Variants in LAMB3 observed in about 807,000 individuals in gnomAD.
LAMB3 encodes the protein laminin subunit beta 3.
Under a neutral mutation model 140.3 loss-of-function variants are expected in LAMB3, and 104 were observed. The observed-to-expected ratio is 0.74, with a 90% confidence interval of 0.63 to 0.87. The LOEUF (loss-of-function observed/expected upper bound fraction) is 0.87. Ranked by LOEUF, LAMB3 falls within the 40% of genes least tolerant of loss-of-function variation. LAMB3 has a pLI of 0.00. For missense variants in LAMB3, 1,531 were observed against 1,575.2 expected (o/e 0.97, Z 0.47); for synonymous variants, 592 against 602.9 (o/e 0.98, Z 0.26).
chr1:209,651,240 A>C, intron 1 of LAMB3: 15 of 460,128 alleles, frequency 3.3e-5, no homozygotes, highest in East Asian at 1.3e-4. Flanking sequence ...CTCCTCTAAA[A>C]TGGATGGGAA....
chr1:209,622,660 A>C lies in LAMB3; in HGVS notation c.2577T>G (p.Ser859=). The change falls in exon 18 of 23, where the codon TCT becomes TCG. Residue 859 remains serine, a synonymous_variant. Transcript: ENST00000356082. The part of the protein sequence containing the change: ...TRQMIRAAEE[S]ASQIQSSAQR... ...GGGCACTGGATTGAATCTGTGAGGC[A>C]GATTCCTCGGCTGCCCTAATCTGTT... is the stretch of plus-strand genomic sequence containing the variant. 6.2e-7 allele frequency: 1 copy of C among 1,614,164 alleles called. No homozygotes were observed. Among genetic ancestry groups the C allele is most frequent in the Non-Finnish European group, 8.5e-7 (1 of 1,180,024 alleles).
chr1:209,634,648 C>G lies in LAMB3; in HGVS notation c.373-10G>C, dbSNP rs2102438880. On this transcript the variant is annotated splice_polypyrimidine_tract_variant and intron_variant, in intron 5 of 22. Transcript: ENST00000356082. ...CGGCGGGCATGGGCCCCTGTGGAGA[C>G]AGGGGCAGTGTGCAGAGGGGAGGCA... 6.2e-7 allele frequency: 1 copy of G among 1,610,504 alleles called. No homozygotes were observed. The highest frequency in any genetic ancestry group is 1.7e-4 in the Middle Eastern group (1 of 6,014).
intron 7 of LAMB3, 95 bp from the exon 8 acceptor site, chr1:209,632,871 C>T (rs544288685): frequency 6.9e-5 from 87 of 1,269,930 alleles, no homozygotes; most frequent in South Asian, 1.5e-4. Context: ...TATGTGATAC[C>T]GTGGGCCATC....
chr1:209,615,995 C>T (rs1665945850), intron 22 of LAMB3, among the ~76,000 whole-genome samples: 1 of 152,064 alleles, frequency 6.6e-6, no homozygotes, highest in South Asian at 2.1e-4. Flanking sequence ...TTCCCAACAC[C>T]CTTATCCTAA....
At chr1:209,626,469 C>T (rs1666459155) in intron 13 of LAMB3, among the ~76,000 whole-genome samples, 1 of 152,200 alleles carries the variant, frequency 6.6e-6, no homozygotes. Context: ...AAGGCCTGTG[C>T]TCCTGTGGTG....
At chr1:209,635,062 T>C (rs1666850713) in intron 5 of LAMB3, among the ~76,000 whole-genome samples, 1 of 152,078 alleles carries the variant, frequency 6.6e-6, no homozygotes, top group South Asian at 2.1e-4. Flanking sequence ...GATTATCTGA[T>C]CTGTGAGAGC....
rs773329364 is a variant in LAMB3, at chr1:209,632,775, C to A, written c.630G>T (p.Glu210Asp). ...CTCTCAAGTTTGTGATCTCCCCCAC[C>A]TCTGAGAGGGCCAAACAGCAAGGAG... ...IPATQSQKIQ[E>D]VGEITNLRVN... is the part of the protein sequence containing the mutation. Residue 210 changes from glutamate (E) to aspartate (D), a missense_variant and splice_region_variant, in exon 8 of 23, where the codon GAG becomes GAT. Physicochemically the swap from Glu to Asp is conservative, Grantham distance 45 (BLOSUM62 2). Coordinates refer to ENST00000356082, the MANE Select transcript of LAMB3 (RefSeq NM_000228.3). 2 of 1,614,108 alleles carry A rather than the reference C, an allele frequency of 1.2e-6. No individual in the cohort carries two copies. Among genetic ancestry groups the A allele is most frequent in the Admixed American group, 3.3e-5 (2 of 60,032 alleles).
rs200105150 is a variant in LAMB3 at position 209,637,973 on chromosome 1, G to C, written c.307C>G (p.Pro103Ala). 9 of 1,612,796 alleles carry C rather than the reference G, an allele frequency of 5.6e-6. 1 individual carries two copies. Among genetic ancestry groups the C allele is most frequent in the South Asian group, 4.4e-5 (4 of 90,832 alleles). ...RWWQSQNDVN[P>A]VSLQLDLDRR... ...TCCAGGTCCAGCTGCAGAGAGACAG[G>C]GTTCACATCTGGAAGGACAAAAAAT... The change falls in exon 5 of 23, where the codon CCT (proline) becomes GCT (alanine). Residue 103 changes from proline to alanine, a missense_variant. By Grantham distance (27) the Pro-to-Ala change is conservative (BLOSUM62 -1). Coordinates refer to ENST00000356082, the MANE Select transcript of LAMB3 (RefSeq NM_000228.3).
At chr1:209,651,573 C>A (rs192712352) in intron 1 of LAMB3, among the ~76,000 whole-genome samples, 1 of 152,176 alleles carries the variant, frequency 6.6e-6, no homozygotes, top group Admixed American at 6.5e-5. Flanking sequence ...GTATGGCTGT[C>A]TTTAACAAGT....
rs199674483 is a variant in LAMB3 at position 209,626,843 on chromosome 1, G to A, written c.1597+24C>T. On this transcript the variant is annotated intron_variant, in intron 13 of 22. Coordinates refer to ENST00000356082, the MANE Select transcript of LAMB3 (RefSeq NM_000228.3). Reference sequence around the variant, plus strand: ...CGTGCTCGGCCCCCAGAGCCTCAGCGTCCCCCAGGCTTTGAGCATGCACCT... The same window carrying A: ...CGTGCTCGGCCCCCAGAGCCTCAGCATCCCCCAGGCTTTGAGCATGCACCT... 2.1e-5 allele frequency: 34 copies of A among 1,584,072 alleles called. No homozygotes were observed. The East Asian group carries it at 4.3e-4, about 20-fold the overall frequency.
At chr1:209,645,055 A>G (rs1212143600) in intron 3 of LAMB3, among the ~76,000 whole-genome samples, 1 of 152,092 alleles carries the variant, frequency 6.6e-6, no homozygotes, top group Non-Finnish European at 1.5e-5. Context: ...TCTGCTTTTA[A>G]CCTCACAAGG....
chr1:209,629,605 T>A (rs888771105), intron 10 of LAMB3, 132 bp downstream of exon 10: 1 of 811,068 alleles, frequency 1.2e-6, no homozygotes, highest in Non-Finnish European at 2.1e-6. Context: ...CTCCCACAAA[T>A]CCTGACTCAC....
intron 18 of LAMB3, among the ~76,000 whole-genome samples, chr1:209,620,151 C>G (rs575836601): frequency 6.6e-6 from 1 of 152,220 alleles, no homozygotes; most frequent in Non-Finnish European, 1.5e-5. Context: ...AGTCGCAGAG[C>G]CTTCTGGGTC....
At chr1:209,621,851 T>C (rs1558149789) in intron 18 of LAMB3, among the ~76,000 whole-genome samples, 1 of 152,188 alleles carries the variant, frequency 6.6e-6, no homozygotes. Flanking sequence ...TCTGGCCTTA[T>C]GTTAGGTGCT....
Position 209,629,803 on chromosome 1 carries a change from C to A in LAMB3, c.1066G>T (p.Glu356Ter). Reference sequence around the variant, plus strand: ...CGGAAATAGTGCAGCTGACACCGCTCACAGTTCTTGCCTTCGGTGTGGTCC... The same window carrying A: ...CGGAAATAGTGCAGCTGACACCGCTAACAGTTCTTGCCTTCGGTGTGGTCC... The part of the protein sequence containing the change: ...CRDHTEGKNC[E>*]RCQLHYFRNR... The change falls in exon 10 of 23, where the codon GAG (glutamate) becomes TAG (stop). Residue 356 changes from glutamate (E) to a stop codon, truncating the protein, a stop_gained. Transcript: ENST00000356082. LOFTEE classifies it high-confidence loss of function. The A allele has an allele frequency of 6.2e-7, 1 of 1,614,026 alleles. No homozygotes were observed. The highest frequency in any genetic ancestry group is 8.5e-7 in the Non-Finnish European group (1 of 1,180,046).
intron 22 of LAMB3, among the ~76,000 whole-genome samples, chr1:209,615,724 A>T (rs1260005644): frequency 6.6e-6 from 1 of 152,180 alleles, no homozygotes; most frequent in East Asian, 1.9e-4. Flanking sequence ...TATCTTAGCG[A>T]TGACTCTAGT....
chr1:209,627,283 G>C, intron 12 of LAMB3, 100 bp downstream of exon 12: 2 of 974,844 alleles, frequency 2.1e-6, no homozygotes, highest in South Asian at 3.0e-5. Context: ...AGTCTGACAG[G>C]GGAGAGGCCT....
intron 17 of LAMB3, 44 bp from the exon 18 acceptor site, chr1:209,622,724 G>A (rs201090159): frequency 2.5e-6 from 4 of 1,612,446 alleles, no homozygotes; most frequent in Non-Finnish European, 8.5e-7. Flanking sequence ...GGCCCCAAGG[G>A]AACCTCTCAG....
In LAMB3 at chr1:209,650,152, A is replaced by G. The variant is rs767106377; in HGVS notation, c.29-34T>C. 2.5e-6 allele frequency: 4 copies of G among 1,598,602 alleles called. No homozygotes were observed. In the South Asian group the frequency reaches 3.4e-5, roughly 13 times the overall value. ...ACAGGGATGTGTGATGGAGCAGTCC[A>G]GAAAAAAAGGGACCTCACTGGCCAC... is the stretch of plus-strand genomic sequence containing the variant. On this transcript the variant is annotated intron_variant, in intron 2 of 22. Coordinates refer to ENST00000356082, the MANE Select transcript of LAMB3 (RefSeq NM_000228.3).
Sources: gnomAD v4.1 joint callset for allele counts (sites outside exome capture counted in the v4.1 genomes callset) on GRCh38, gnomAD v4.1.1 for gene constraint, MANE v1.5 for transcripts, NCBI Gene and HGNC (gene_info 2026-07-23, HGNC 2026-07-21) for gene names.